Variants in UNC79 observed in about 807,000 individuals in gnomAD.
UNC79 encodes protein unc-79 homolog.
In UNC79, 37 loss-of-function variants were observed where a neutral mutation model predicts 283.1. The ratio of observed to expected loss-of-function variants is 0.13; its 90% confidence interval spans 0.10 to 0.17. The LOEUF (loss-of-function observed/expected upper bound fraction) is 0.17, where lower values mean the gene tolerates loss of function less well. Ranked by LOEUF, UNC79 falls within the 10% of genes least tolerant of loss-of-function variation. UNC79 has a pLI of 1.00. For synonymous variants in UNC79, 1,107 were observed against 1,200.2 expected (o/e 0.92, Z 1.61); for missense variants, 2,272 against 3,211.1 (o/e 0.71, Z 7.07).
At position 93,530,631 on chromosome 14, in the gene UNC79, C is replaced by T. The variant is rs549648087; in HGVS notation, c.1093+1305C>T. Among the ~76,000 whole-genome samples the T allele has an allele frequency of 1.7e-3, 257 of 151,966 alleles. 1 individual carries two copies. The Middle Eastern group carries it at 0.021, about 12-fold the overall frequency. On this transcript the variant is annotated intron_variant, in intron 10 of 48. Transcript: ENST00000555664. ...TGTCTTAAAAAAAACAAAAACAGGC[C>T]GGGCGCGGTGGCTCACGCCTGTAAT...
chr14:93,539,327 C>T (rs557856359), intron 12 of UNC79, among the ~76,000 whole-genome samples: 1 of 150,276 alleles, frequency 6.7e-6, no homozygotes, highest in South Asian at 2.1e-4. Context: ...TCGAGACCAG[C>T]CTGACCAACA....
chr14:93,644,576 A>G (rs190037372), intron 34 of UNC79, among the ~76,000 whole-genome samples: 45 of 152,292 alleles, frequency 3.0e-4, no homozygotes, highest in Non-Finnish European at 5.3e-4. Flanking sequence ...AATGAGTGGA[A>G]TGAGAGAGAG....
intron 7 of UNC79, among the ~76,000 whole-genome samples, chr14:93,500,622 T>C (rs781021395): frequency 6.6e-6 from 1 of 152,222 alleles, no homozygotes; most frequent in Non-Finnish European, 1.5e-5. Flanking sequence ...TTTACAGATG[T>C]TTTCTCAATT....
chr14:93,597,323 G>A, intron 23 of UNC79, 36 bp from the exon 24 acceptor site: 2 of 1,602,886 alleles, frequency 1.2e-6, no homozygotes, highest in South Asian at 1.1e-5. Flanking sequence ...AGGTGTGTGT[G>A]TATTTACGTA....
intron 26 of UNC79, among the ~76,000 whole-genome samples, chr14:93,610,711 T>C (rs1282709604): frequency 6.6e-6 from 1 of 151,796 alleles, no homozygotes; most frequent in Non-Finnish European, 1.5e-5. Flanking sequence ...CCCAAGCTCA[T>C]GTGATCCTCC....
intron 1 of UNC79, among the ~76,000 whole-genome samples, chr14:93,339,393 G>A (rs1354897435): frequency 1.3e-5 from 2 of 151,964 alleles, no homozygotes; most frequent in African/African-American, 4.8e-5. Flanking sequence ...TCCACCTCCC[G>A]GGTTCACGCC....
intron 15 of UNC79, 80 bp downstream of exon 15, chr14:93,572,164 C>T (rs2063240340): frequency 1.4e-6 from 2 of 1,433,788 alleles, no homozygotes; most frequent in Admixed American, 2.2e-5. Context: ...TGCCGGTCAC[C>T]CTACTAAGCG....
At chr14:93,475,145 T>C (rs2057729581) in intron 3 of UNC79, among the ~76,000 whole-genome samples, 2 of 152,164 alleles carry the variant, frequency 1.3e-5, no homozygotes, top group African/African-American at 4.8e-5. Flanking sequence ...CAAATTCTCC[T>C]AACCTGTAAA....
chr14:93,449,439 C>T (rs2056564204), intron 1 of UNC79, among the ~76,000 whole-genome samples: 1 of 151,900 alleles, frequency 6.6e-6, no homozygotes. Context: ...TTCTTTAATA[C>T]AGAAATGATT....
At chr14:93,426,650 A>G (rs2055736074), upstream of UNC79, among the ~76,000 whole-genome samples, 1 of 151,910 alleles carries the variant, frequency 6.6e-6, no homozygotes. Flanking sequence ...CCTGCCATTA[A>G]TATCATCTAG....
intron 7 of UNC79, among the ~76,000 whole-genome samples, chr14:93,520,070 AT>A (rs2060251459): frequency 1.3e-5 from 2 of 151,814 alleles, no homozygotes; most frequent in Non-Finnish European, 3.0e-5. Flanking sequence ...TTCCTTTAAC[AT>A]TTCTTGTAGT....
In UNC79 at chr14:93,690,723, A is replaced by T. The variant is rs2074617529; in HGVS notation, c.7272+420A>T. The T allele has an allele frequency of 6.0e-6, 1 of 167,708 alleles. No individual in the cohort carries two copies. The highest frequency in any genetic ancestry group is 2.4e-5 in the African/African-American group (1 of 41,740). 10.4% of individuals were successfully genotyped at this position (167,708 alleles called of 1,614,324 possible). On this transcript the variant is annotated intron_variant, in intron 45 of 48. Coordinates refer to ENST00000555664, the Ensembl canonical transcript of UNC79. The surrounding 1 kb of genome is among the most constrained non-coding windows in gnomAD (Gnocchi z 4.3). ...ACTGAAATCTCTAGAGATACAGGAAAATACAAAATGAAAACAAGAAGGCCA... is the reference window on the plus strand; with the variant it reads ...ACTGAAATCTCTAGAGATACAGGAATATACAAAATGAAAACAAGAAGGCCA...
intron 45 of UNC79, 144 bp from the exon 49 acceptor site, chr14:93,691,605 C>A: frequency 1.2e-6 from 1 of 802,164 alleles, no homozygotes; most frequent in East Asian, 2.5e-5. Context: ...GGTGATGAAT[C>A]ATGACTTTGT....
At chr14:93,418,649 C>G (rs979746347) in intron 1 of UNC79, among the ~76,000 whole-genome samples, 26 of 151,968 alleles carry the variant, frequency 1.7e-4, no homozygotes, top group African/African-American at 6.0e-4. Flanking sequence ...GGAAGGCAGG[C>G]CTCCTTGAGC....
At chr14:93,538,804 C>CAAAA in intron 12 of UNC79, among the ~76,000 whole-genome samples, 1 of 111,376 alleles carries the variant, frequency 9.0e-6, no homozygotes, top group Non-Finnish European at 1.8e-5. Context: ...ATCACATGAC[C>CAAAA]AAAAAAAAAA....
At chr14:93,528,741 T>C in intron 9 of UNC79, 95 bp downstream of exon 9, 1 of 1,172,052 alleles carries the variant, frequency 8.5e-7, no homozygotes, top group Non-Finnish European at 1.2e-6. Flanking sequence ...TGCTAAAGTT[T>C]CTCTCTAGCC....
At chr14:93,601,698 G>A (rs773284802) in intron 25 of UNC79, among the ~76,000 whole-genome samples, 1 of 152,122 alleles carries the variant, frequency 6.6e-6, no homozygotes, top group African/African-American at 2.4e-5. Context: ...CAAAGTGATT[G>A]TACCAATTTA....
At chr14:93,334,177 A>G (rs923124171) in intron 1 of UNC79, among the ~76,000 whole-genome samples, 6 of 152,234 alleles carry the variant, frequency 3.9e-5, no homozygotes, top group African/African-American at 1.4e-4. Flanking sequence ...TGCTTTTCAT[A>G]TTCAGTTGGA....
intron 13 of UNC79, 86 bp downstream of exon 13, chr14:93,540,917 A>G (rs2061341737): frequency 5.1e-6 from 8 of 1,563,672 alleles, no homozygotes; most frequent in Non-Finnish European, 7.0e-6. Flanking sequence ...GTTCTTTTAA[A>G]AGGAGTAAAT....
Sources: allele counts gnomAD v4.1 joint callset (sites outside exome capture counted in the v4.1 genomes callset), GRCh38; gene constraint gnomAD v4.1.1; non-coding constraint Gnocchi (gnomAD v3.1); transcripts MANE v1.5; gene names NCBI Gene and HGNC (gene_info 2026-07-23, HGNC 2026-07-21).